SLCO1B3: variants seen among roughly 807,000 people sequenced by gnomAD.
The protein encoded by SLCO1B3 is liver-specific organic anion transporter 2.
In SLCO1B3, 72 loss-of-function variants were observed where a neutral mutation model predicts 71.8. The observed-to-expected ratio is 1.00, with a 90% CI of 0.83 to 1.22. The LOEUF (loss-of-function observed/expected upper bound fraction) is 1.22. SLCO1B3 is among the 50% of genes most tolerant of loss of function. The pLI is 0.00. For missense variants in SLCO1B3, 911 were observed against 819.7 expected, an observed-to-expected ratio of 1.11 and a Z score of -1.36; for synonymous variants, 298 against 278.4, an observed-to-expected ratio of 1.07 and a Z score of -0.70.
intron 5 of SLCO1B3, chr12:20,858,833 T>C (rs547880788): frequency 2.7e-4 from 53 of 197,864 alleles, no homozygotes; most frequent in Non-Finnish European, 3.8e-4. Flanking sequence ...GAAATGAATA[T>C]CTTATTTACC....
chr12:20,910,728 T>A (rs1005221083), intron 15 of SLCO1B3, among the ~76,000 whole-genome samples: 6 of 152,158 alleles, frequency 3.9e-5, no homozygotes, highest in African/African-American at 1.4e-4. Flanking sequence ...ACGTAAATAG[T>A]AATGTATTTT....
intron 3 of SLCO1B3, among the ~76,000 whole-genome samples, chr12:20,852,329 A>G (rs1163510100): frequency 6.6e-6 from 1 of 152,074 alleles, no homozygotes; most frequent in African/African-American, 2.4e-5. Context: ...AAAAAAAGTA[A>G]TTAGTTAGGC....
At chr12:20,837,725 C>T (rs1260310237) in intron 3 of SLCO1B3, among the ~76,000 whole-genome samples, 1 of 152,018 alleles carries the variant, frequency 6.6e-6, no homozygotes, top group Non-Finnish European at 1.5e-5. Flanking sequence ...TATTTTATGG[C>T]TTAGAATGTG....
intron 3 of SLCO1B3, among the ~76,000 whole-genome samples, chr12:20,836,450 T>C (rs1864681385): frequency 6.6e-6 from 1 of 152,218 alleles, no homozygotes; most frequent in South Asian, 2.1e-4. Context: ...GATATTGGTC[T>C]ACATTTTTTT....
At chr12:20,833,150 G>A (rs578118649) in intron 3 of SLCO1B3, among the ~76,000 whole-genome samples, 48 of 152,200 alleles carry the variant, frequency 3.2e-4, no homozygotes, top group African/African-American at 1.1e-3. Context: ...CACGTCACAT[G>A]GATGCTTCTT....
At chr12:20,904,541 G>C (rs1866196453) in intron 15 of SLCO1B3, among the ~76,000 whole-genome samples, 1 of 152,016 alleles carries the variant, frequency 6.6e-6, no homozygotes, top group Admixed American at 6.5e-5. Flanking sequence ...CTGAGTGCCT[G>C]CAGCTTTTCC....
rs754014665 is a variant in SLCO1B3, at chr12:20,913,969, G to C, written c.1866-2035G>C. Among the ~76,000 whole-genome samples, 14 of 152,054 alleles carry C rather than the reference G, an allele frequency of 9.2e-5. 1 individual carries two copies. Among genetic ancestry groups the C allele is most frequent in the Admixed American group, 6.6e-5 (1 of 15,240 alleles). ...TGTTTTAGAGATGGGCAACTCTGTT[G>C]CCCAGTCTGGTCTCAAACTCCTGTA... On this transcript the variant is annotated intron_variant, in intron 15 of 15. Coordinates refer to ENST00000381545, the MANE Select transcript of SLCO1B3 (RefSeq NM_019844.4).
At chr12:20,822,891 C>T (rs1337270210) in intron 3 of SLCO1B3, among the ~76,000 whole-genome samples, 1 of 152,112 alleles carries the variant, frequency 6.6e-6, no homozygotes, top group East Asian at 1.9e-4. Context: ...ATTTTCCTTT[C>T]ATACCCCTGC....
intron 3 of SLCO1B3, among the ~76,000 whole-genome samples, chr12:20,852,087 T>C (rs1865036160): frequency 1.3e-5 from 2 of 152,236 alleles, no homozygotes; most frequent in African/African-American, 2.4e-5. Context: ...ACAGGAAATA[T>C]GAAGCATCCA....
chr12:20,896,412 C>T (rs1337999496), intron 13 of SLCO1B3, among the ~76,000 whole-genome samples: 2 of 152,090 alleles, frequency 1.3e-5, no homozygotes, highest in Non-Finnish European at 2.9e-5. Context: ...TGACAGATAC[C>T]CTAAATCATC....
At chr12:20,903,221 T>C (rs1382884190) in intron 15 of SLCO1B3, among the ~76,000 whole-genome samples, 1 of 152,146 alleles carries the variant, frequency 6.6e-6, no homozygotes, top group Non-Finnish European at 1.5e-5. Flanking sequence ...ATAGAGTTAT[T>C]GTACGATTAA....
At chr12:20,865,425 G>A (rs1865353337) in intron 8 of SLCO1B3, among the ~76,000 whole-genome samples, 1 of 151,982 alleles carries the variant, frequency 6.6e-6, no homozygotes, top group Admixed American at 6.6e-5. Flanking sequence ...CATCAGTTAA[G>A]TTTGCTACAA....
chr12:20,858,971 C>G (rs1275505803), intron 5 of SLCO1B3: 2 of 154,008 alleles, frequency 1.3e-5, no homozygotes, highest in Non-Finnish European at 2.9e-5. Context: ...GCTGCTCTTT[C>G]TAAGGTAACT....
chr12:20,816,990 G>T (rs1156467118), intron 3 of SLCO1B3, among the ~76,000 whole-genome samples: 17 of 152,136 alleles, frequency 1.1e-4, no homozygotes, highest in Admixed American at 1.1e-3. Context: ...TGTGCTATTT[G>T]TATGTCTTCT....
At chr12:20,835,237 C>T (rs940543433) in intron 3 of SLCO1B3, among the ~76,000 whole-genome samples, 1 of 152,168 alleles carries the variant, frequency 6.6e-6, no homozygotes, top group African/African-American at 2.4e-5. Context: ...CCCTTCTAGA[C>T]CTCCAGACCC....
intron 13 of SLCO1B3, among the ~76,000 whole-genome samples, chr12:20,890,626 C>T (rs1420007853): frequency 6.6e-6 from 1 of 152,118 alleles, no homozygotes; most frequent in African/African-American, 2.4e-5. Context: ...TTGAAAGACC[C>T]CACTACTGTT....
At chr12:20,889,821 T>C (rs180699191) in intron 13 of SLCO1B3, among the ~76,000 whole-genome samples, 1 of 152,308 alleles carries the variant, frequency 6.6e-6, no homozygotes, top group East Asian at 1.9e-4. Flanking sequence ...GTTGTGGGCA[T>C]TTAATGCTAC....
chr12:20,880,405 A>G (rs527659837), intron 11 of SLCO1B3, among the ~76,000 whole-genome samples: 73 of 151,194 alleles, frequency 4.8e-4, no homozygotes, highest in Non-Finnish European at 1.0e-3. Context: ...GTTAACTAAC[A>G]TGCATAGATT....
rs988505234 is a variant in SLCO1B3 at position 20,875,392 on chromosome 12, A to G, written c.885A>G (p.Ser295=). The G allele has an allele frequency of 2.5e-6, 4 of 1,611,456 alleles. No homozygotes were observed. The highest frequency in any genetic ancestry group is 2.7e-5 in the African/African-American group (2 of 74,734). The part of the protein sequence containing the change: ...KPQKERKISL[S]LHVLKTNDDR... ...AAAAAGAAAGAAAAATTTCACTATC[A>G]TTGCATGTGCTGAAAACAAATGATG... is the stretch of plus-strand genomic sequence containing the variant. Residue 295 remains serine (S), a synonymous_variant, in exon 9 of 16, where the codon TCA becomes TCG. Coordinates refer to ENST00000381545, the MANE Select transcript of SLCO1B3 (RefSeq NM_019844.4).
Sources: gnomAD v4.1 joint callset for allele counts (sites outside exome capture counted in the v4.1 genomes callset) on GRCh38, gnomAD v4.1.1 for gene constraint, MANE v1.5 for transcripts, NCBI Gene and HGNC (gene_info 2026-07-23, HGNC 2026-07-21) for gene names.